HERC6: variants seen among roughly 807,000 people sequenced by gnomAD.
HERC6 encodes probable E3 ubiquitin-protein ligase HERC6.
A neutral mutation model predicts 114.5 loss-of-function variants in HERC6; 101 were observed. The observed-to-expected ratio is 0.88, with a 90% CI of 0.75 to 1.04. HERC6 has a LOEUF of 1.04. Ranked by LOEUF, HERC6 falls within the 50% of genes least tolerant of loss-of-function variation. The probability of loss-of-function intolerance (pLI) is 0.00; values close to 1 mark genes in which losing one functional copy is unlikely to be tolerated. For synonymous variants in HERC6, 408 were observed against 436.2 expected, an observed-to-expected ratio of 0.94 and a Z score of 0.81; for missense variants, 1,133 against 1,230.9, an observed-to-expected ratio of 0.92 and a Z score of 1.19.
chr4:88,431,347 G>A, intron 17 of HERC6, 42 bp downstream of exon 17: 1 of 1,565,548 alleles, frequency 6.4e-7, no homozygotes. Context: ...AACAGAAAAG[G>A]CACCCCATAT....
intron 2 of HERC6, among the ~76,000 whole-genome samples, chr4:88,385,292 T>G (rs1004411065): frequency 3.3e-5 from 5 of 152,212 alleles, no homozygotes; most frequent in African/African-American, 1.2e-4. Flanking sequence ...TATACTGTTT[T>G]GGATTCTGTC....
chr4:88,433,040 A>G (rs560311248), intron 17 of HERC6, among the ~76,000 whole-genome samples: 3 of 152,238 alleles, frequency 2.0e-5, no homozygotes, highest in South Asian at 4.1e-4. Flanking sequence ...GTGAGCCAAG[A>G]TCGCACCACT....
intron 20 of HERC6, 130 bp from the exon 21 acceptor site, chr4:88,439,744 C>A: frequency 1.2e-6 from 1 of 829,430 alleles, no homozygotes; most frequent in Non-Finnish European, 1.7e-6. Context: ...ATACAACATT[C>A]TTGTGCTATA....
chr4:88,440,434 A>C, intron 22 of HERC6, 184 bp downstream of exon 22: 1 of 538,032 alleles, frequency 1.9e-6, no homozygotes, highest in South Asian at 2.8e-5. Flanking sequence ...GCAGAAACTT[A>C]ATAGGCGAAA....
intron 1 of HERC6, among the ~76,000 whole-genome samples, chr4:88,379,823 C>T (rs867488026): frequency 5.8e-4 from 29 of 50,384 alleles, no homozygotes; most frequent in African/African-American, 2.1e-3. Context: ...ATATATATAA[C>T]ATATAAATAT....
intron 5 of HERC6, among the ~76,000 whole-genome samples, chr4:88,394,245 C>T (rs112580372): frequency 2.0e-4 from 31 of 151,868 alleles, no homozygotes; most frequent in African/African-American, 6.3e-4. Flanking sequence ...GAGGCCAAGG[C>T]GGGCAGATCA....
At chr4:88,385,802 C>T (rs1734546107) in intron 3 of HERC6, among the ~76,000 whole-genome samples, 1 of 152,126 alleles carries the variant, frequency 6.6e-6, no homozygotes, top group African/African-American at 2.4e-5. Context: ...GTTATTTGAC[C>T]TAACTGGCCA....
intron 1 of HERC6, among the ~76,000 whole-genome samples, chr4:88,380,849 G>A (rs543527870): frequency 6.6e-6 from 1 of 151,770 alleles, no homozygotes; most frequent in Non-Finnish European, 1.5e-5. Flanking sequence ...ACATTTTGAT[G>A]CATTTTCTCC....
chr4:88,442,184 T>C, intron 22 of HERC6, 50 bp from the exon 23 acceptor site: 2 of 1,298,734 alleles, frequency 1.5e-6, no homozygotes, highest in Non-Finnish European at 2.2e-6. Flanking sequence ...CTTTTCATTA[T>C]GTTTTACTCT....
At chr4:88,438,029 A>G (rs1462220549) in intron 20 of HERC6, among the ~76,000 whole-genome samples, 2 of 145,720 alleles carry the variant, frequency 1.4e-5, no homozygotes, top group African/African-American at 5.1e-5. Flanking sequence ...GCTACTAAGG[A>G]GGCTGAGGAT....
rs1578379296 is a variant in HERC6 at position 88,396,649 on chromosome 4, A to G, written c.888-202A>G. ...TCAATAACATTCTGTTTTTAAGATT[A>G]GTAGTAAGTTAATATTGACTGACCG... On this transcript the variant is annotated intron_variant, in intron 6 of 22. Coordinates refer to ENST00000264346, the MANE Select transcript of HERC6 (RefSeq NM_017912.4). Among the ~76,000 whole-genome samples the G allele has an allele frequency of 2.0e-5, 3 of 152,250 alleles. No homozygotes were observed. The East Asian group carries it at 5.8e-4, about 29-fold the overall frequency.
chr4:88,436,865 G>T, intron 18 of HERC6, 40 bp from the exon 19 acceptor site: 1 of 1,380,468 alleles, frequency 7.2e-7, no homozygotes, highest in South Asian at 1.3e-5. Flanking sequence ...AACTTTATAA[G>T]ATCAATAAAT....
intron 3 of HERC6, among the ~76,000 whole-genome samples, chr4:88,386,016 A>G (rs527467724): frequency 2.0e-4 from 31 of 152,114 alleles, no homozygotes; most frequent in African/African-American, 7.5e-4. Context: ...TTGTACATCT[A>G]CACTTTTTCT....
At chr4:88,393,125 A>G (rs1735007077) in intron 4 of HERC6, among the ~76,000 whole-genome samples, 1 of 152,228 alleles carries the variant, frequency 6.6e-6, no homozygotes, top group Admixed American at 6.5e-5. Context: ...TTTCTAGGTC[A>G]ATAGCCTCGG....
intron 3 of HERC6, among the ~76,000 whole-genome samples, chr4:88,388,533 A>G (rs1734714691): frequency 6.9e-6 from 1 of 144,668 alleles, no homozygotes; most frequent in Non-Finnish European, 1.5e-5. Flanking sequence ...CCTGGGTGAC[A>G]GAGCAAGACT....
At chr4:88,429,249 G>A (rs1315809133) in intron 16 of HERC6, among the ~76,000 whole-genome samples, 1 of 152,154 alleles carries the variant, frequency 6.6e-6, no homozygotes, top group Non-Finnish European at 1.5e-5. Context: ...AAGATAGCAA[G>A]ACCAAACATT....
intron 12 of HERC6, among the ~76,000 whole-genome samples, chr4:88,414,445 C>T (rs1445253451): frequency 6.6e-6 from 1 of 151,980 alleles, no homozygotes; most frequent in African/African-American, 2.4e-5. Context: ...AATCCAGATC[C>T]CAAACAAGGG....
At chr4:88,386,135 G>T (rs1258921200) in intron 3 of HERC6, among the ~76,000 whole-genome samples, 1 of 151,358 alleles carries the variant, frequency 6.6e-6, no homozygotes, top group Non-Finnish European at 1.5e-5. Context: ...TTGGGAACCT[G>T]CAAATTAAAT....
rs577438284 is a variant in HERC6 at position 88,403,481 on chromosome 4, G to A, written c.1093-1395G>A. Among the ~76,000 whole-genome samples, 5 of 152,308 alleles carry A rather than the reference G, an allele frequency of 3.3e-5. No individual in the cohort carries two copies. The East Asian group carries it at 5.8e-4, about 18-fold the overall frequency. On this transcript the variant is annotated intron_variant, in intron 8 of 22. Transcript: ENST00000264346. ...TCTTAAGAACCCAGATAGGCCGGGC[G>A]AGGTGGCTCAAGCCTGTAATCCCAG...
Sources: gnomAD v4.1 joint callset for allele counts (sites outside exome capture counted in the v4.1 genomes callset) on GRCh38, gnomAD v4.1.1 for gene constraint, MANE v1.5 for transcripts, NCBI Gene and HGNC (gene_info 2026-07-23, HGNC 2026-07-21) for gene names.